Variants in ABCC8 observed in about 807,000 individuals in gnomAD.
The protein encoded by ABCC8 is ATP binding cassette subfamily C member 8.
A neutral mutation model predicts 188.0 loss-of-function variants in ABCC8; 137 were observed. The ratio of observed to expected loss-of-function variants is 0.73; its 90% CI spans 0.63 to 0.84. The LOEUF is 0.84. Among genes scored for constraint, ABCC8 ranks in the 40% least tolerant of loss-of-function variants. The probability of loss-of-function intolerance (pLI) is 0.00; values close to 1 mark genes in which losing one functional copy is unlikely to be tolerated. For synonymous variants in ABCC8, 797 were observed against 846.5 expected (o/e 0.94, Z 1.01); for missense variants, 1,750 against 2,072.7 (o/e 0.84, Z 3.02).
At chr11:17,431,032 A>T in intron 11 of ABCC8, 73 bp from the exon 12 acceptor site, 1 of 1,582,860 alleles carries the variant, frequency 6.3e-7, no homozygotes, top group South Asian at 1.1e-5. Flanking sequence ...AACGCTCAGC[A>T]CTGGAAGGGA....
rs1329581439 is a variant in ABCC8 at position 17,404,569 on chromosome 11, AG to A, written c.3499del (p.Leu1167SerfsTer41). ...GTAGCACACGATGGCCAGGGGCAAG[AG>A]GGCCACGAGGAACACAGGTGTGACA... The part of the protein sequence containing the change: ...SYVTPVFLVA[L>X]LPLAIVCYFI... On this transcript the variant is annotated frameshift_variant, in exon 28 of 39. Transcript: ENST00000389817. LOFTEE classifies it high-confidence loss of function. The surrounding 1 kb of genome is among the most constrained non-coding windows in gnomAD (Gnocchi z 4.7). 1 of 1,613,936 alleles carries A rather than the reference AG, an allele frequency of 6.2e-7. No individual in the cohort carries two copies.
intron 26 of ABCC8, among the ~76,000 whole-genome samples, chr11:17,406,076 C>T (rs1055285633): frequency 5.9e-5 from 9 of 152,230 alleles, no homozygotes; most frequent in African/African-American, 1.9e-4. Context: ...GGTCTAGCCT[C>T]GACAAGGGGC....
At chr11:17,400,872 A>T (rs7932833) in intron 29 of ABCC8, among the ~76,000 whole-genome samples, 1 of 152,150 alleles carries the variant, frequency 6.6e-6, no homozygotes, top group Non-Finnish European at 1.5e-5. Context: ...TGCCTGGCAT[A>T]CAGTAAGTGG....
At chr11:17,399,282 A>G (rs1323181239) in intron 29 of ABCC8, among the ~76,000 whole-genome samples, 1 of 84,052 alleles carries the variant, frequency 1.2e-5, no homozygotes, top group East Asian at 7.7e-4. Context: ...CCTCAAAAAA[A>G]AAAAAAAAAA....
At chr11:17,473,243 AT>A (rs1848575768) in intron 2 of ABCC8, among the ~76,000 whole-genome samples, 1 of 145,598 alleles carries the variant, frequency 6.9e-6, no homozygotes, top group South Asian at 2.2e-4. Context: ...TCACTGTGGC[AT>A]TTGTGCTACT....
intron 6 of ABCC8, among the ~76,000 whole-genome samples, chr11:17,457,878 G>T (rs975419197): frequency 6.6e-6 from 1 of 152,170 alleles, no homozygotes; most frequent in Non-Finnish European, 1.5e-5. Context: ...ATGGATTCAG[G>T]CTGGGCAGAA....
At chr11:17,393,178 G>A (rs1472487532) in intron 38 of ABCC8, 50 bp from the exon 39 acceptor site, 7 of 1,608,274 alleles carry the variant, frequency 4.4e-6, no homozygotes, top group Admixed American at 1.7e-5. Flanking sequence ...TACCACCCGC[G>A]GTGGGGGCCA....
intron 28 of ABCC8, among the ~76,000 whole-genome samples, chr11:17,403,458 ATT>A (rs1168621877): frequency 6.6e-6 from 1 of 152,108 alleles, no homozygotes; most frequent in African/African-American, 2.4e-5. Context: ...AGCACTTTGA[ATT>A]TTTTGAGTGT....
At chr11:17,443,608 A>G (rs1247831648) in intron 8 of ABCC8, among the ~76,000 whole-genome samples, 3 of 152,178 alleles carry the variant, frequency 2.0e-5, no homozygotes, top group Non-Finnish European at 4.4e-5. Context: ...CCAGATGGAA[A>G]TCTCAGAGAT....
intron 26 of ABCC8, among the ~76,000 whole-genome samples, chr11:17,405,922 G>C (rs139349690): frequency 7.9e-5 from 12 of 152,362 alleles, no homozygotes; most frequent in Admixed American, 1.3e-4. Context: ...GGCTGACCCA[G>C]AGTCAGCCCA....
chr11:17,435,683 C>T (rs1956060600), intron 10 of ABCC8: 3 of 1,393,714 alleles, frequency 2.2e-6, no homozygotes, highest in African/African-American at 2.8e-5. Flanking sequence ...CACATGGCTG[C>T]CAGCCCTACA....
chr11:17,464,889 G>C (rs1848053258), intron 3 of ABCC8, among the ~76,000 whole-genome samples: 1 of 152,228 alleles, frequency 6.6e-6, no homozygotes, highest in Non-Finnish European at 1.5e-5. Context: ...ACCCGAGTGA[G>C]GGAGAGAGAC....
At chr11:17,434,214 G>A (rs2133562264) in intron 10 of ABCC8, among the ~76,000 whole-genome samples, 1 of 152,338 alleles carries the variant, frequency 6.6e-6, no homozygotes, top group South Asian at 2.1e-4. Context: ...CCAATAAGGA[G>A]GGGTCCTGTG....
chr11:17,392,668 C>A (rs1293921392), downstream of ABCC8: 2 of 393,468 alleles, frequency 5.1e-6, no homozygotes, highest in Non-Finnish European at 4.8e-6. Flanking sequence ...TGATCCCAGA[C>A]TTCAGCCTCC....
intron 31 of ABCC8, 92 bp downstream of exon 31, chr11:17,397,592 A>G (rs1374732622): frequency 6.7e-7 from 1 of 1,501,682 alleles, no homozygotes; most frequent in Non-Finnish European, 9.0e-7. Context: ...AATTGGGGTA[A>G]GGCCTGGGAG....
In ABCC8 at chr11:17,412,113, C is replaced by T. The variant is rs540054568; in HGVS notation, c.2556+553G>A. Among the ~76,000 whole-genome samples, 6 of 152,052 alleles carry T rather than the reference C, an allele frequency of 3.9e-5. No individual in the cohort carries two copies. In the East Asian group the frequency reaches 9.7e-4, roughly 25 times the overall value. On this transcript the variant is annotated intron_variant, in intron 21 of 38. Transcript: ENST00000389817. ...TTCACCGTGTTGGCCAGGATGGTCT[C>T]GATCTCCCGACCTCGTGATCCGCCT...
At chr11:17,474,815 G>T in intron 2 of ABCC8, 71 bp downstream of exon 2, 2 of 1,507,936 alleles carry the variant, frequency 1.3e-6, no homozygotes, top group Non-Finnish European at 9.2e-7. Flanking sequence ...GGTGAGCTAG[G>T]ATCTCCTTGG....
In ABCC8 at chr11:17,443,162, A is replaced by C. The variant is rs768929919; in HGVS notation, c.1467+16T>G. ...AGGGGAAGAGGGACAAAACACACAC[A>C]CCTTTGGGCACTCACCAGTGTGCTC... On this transcript the variant is annotated intron_variant, in intron 9 of 38. Coordinates refer to ENST00000389817, the MANE Select transcript of ABCC8 (RefSeq NM_000352.6). 16 of 1,613,710 alleles carry C rather than the reference A, an allele frequency of 9.9e-6. No homozygotes were observed. The highest frequency in any genetic ancestry group is 5.0e-5 in the Admixed American group (3 of 59,986).
Position 17,460,478 on chromosome 11 carries a change from G to C in ABCC8, c.1011+10C>G. 6.2e-7 allele frequency: 1 copy of C among 1,614,088 alleles called. No homozygotes were observed. Among genetic ancestry groups the C allele is most frequent in the Non-Finnish European group, 8.5e-7 (1 of 1,180,032 alleles). The stretch of plus-strand genomic sequence containing the variant: ...AGAGGGTGCCTTACCCTACCCCTGG[G>C]GCTGCCTACCTTGGGCTGGAAGACG... On this transcript the variant is annotated intron_variant, in intron 6 of 38. Coordinates refer to ENST00000389817, the MANE Select transcript of ABCC8 (RefSeq NM_000352.6).
Sources: allele counts gnomAD v4.1 joint callset (sites outside exome capture counted in the v4.1 genomes callset), GRCh38; gene constraint gnomAD v4.1.1; non-coding constraint Gnocchi (gnomAD v3.1); transcripts MANE v1.5; gene names NCBI Gene and HGNC (gene_info 2026-07-23, HGNC 2026-07-21).